TNS3: variants seen among roughly 807,000 people sequenced by gnomAD.
TNS3 encodes the protein tensin 3.
TNS3 carries 45 observed loss-of-function variants against 140.9 expected under a neutral mutation model. The observed-to-expected ratio is 0.32, with a 90% CI of 0.25 to 0.41. The LOEUF (loss-of-function observed/expected upper bound fraction) is 0.41, where lower values mean the gene tolerates loss of function less well. Ranked by LOEUF, TNS3 falls within the 10% of genes least tolerant of loss-of-function variation. The probability of loss-of-function intolerance (pLI) is 1.00; values close to 1 mark genes in which losing one functional copy is unlikely to be tolerated. For synonymous variants in TNS3, 815 were observed against 788.4 expected, an observed-to-expected ratio of 1.03 and a Z score of -0.56; for missense variants, 1,716 against 1,906.7, an observed-to-expected ratio of 0.90 and a Z score of 1.86.
rs1789336772 is a variant in TNS3 at position 47,346,281 on chromosome 7, C to T, written c.2357G>A (p.Gly786Glu). The change falls in exon 18 of 31, where the codon GGG becomes GAG. Residue 786 changes from glycine to glutamate, a missense_variant. Coordinates refer to ENST00000311160, the MANE Select transcript of TNS3 (RefSeq NM_022748.12). ...SLGQYDNDAGGQLPFSKCAWG... is the reference protein window; with the variant it reads ...SLGQYDNDAGEQLPFSKCAWG... ...TGCACATTTGGAGAAGGGCAGCTGC[C>T]CCCCAGCATCGTTGTCGTACTGCCC... 1.2e-6 allele frequency: 2 copies of T among 1,614,082 alleles called. No individual in the cohort carries two copies. The highest frequency in any genetic ancestry group is 1.7e-6 in the Non-Finnish European group (2 of 1,180,040).
Position 47,436,082 on chromosome 7 carries a change from G to A in TNS3, c.202-678C>T, listed in dbSNP as rs1795167057. ...AGGACAAGGAGCTCTATCTTATGAT[G>A]AAAGTCGTAGAAATAGTGTAAGACT... On this transcript the variant is annotated intron_variant, in intron 7 of 30. Transcript: ENST00000311160. 2.0e-5 allele frequency among the ~76,000 whole-genome samples: 3 copies of A among 152,174 alleles called. No homozygotes were observed. In the South Asian group the frequency reaches 6.2e-4, roughly 32 times the overall value.
At chr7:47,359,444 C>T (rs145717524) in intron 17 of TNS3, among the ~76,000 whole-genome samples, 3 of 152,086 alleles carry the variant, frequency 2.0e-5, no homozygotes, top group South Asian at 2.1e-4. Flanking sequence ...TTTGGGATGA[C>T]GACAAATTTC....
chr7:47,418,564 T>C (rs930574333), intron 10 of TNS3, among the ~76,000 whole-genome samples: 9 of 152,248 alleles, frequency 5.9e-5, no homozygotes, highest in Admixed American at 5.9e-4. Flanking sequence ...AGATACTTTA[T>C]AAAAACAGCT....
intron 4 of TNS3, among the ~76,000 whole-genome samples, chr7:47,457,136 GA>G (rs1288973531): frequency 9.6e-5 from 4 of 41,848 alleles, no homozygotes; most frequent in African/African-American, 1.7e-4. Context: ...GGGAGGGGAG[GA>G]GGGGAGGGGA....
chr7:47,352,755 A>C (rs1789763272), intron 17 of TNS3, among the ~76,000 whole-genome samples: 1 of 152,006 alleles, frequency 6.6e-6, no homozygotes, highest in Non-Finnish European at 1.5e-5. Flanking sequence ...CCCTCCACTC[A>C]AGGCCCCCAG....
rs144954870 is a variant in TNS3 at position 47,492,712 on chromosome 7, A to G, written c.-114-11571T>C. Among the ~76,000 whole-genome samples the G allele has an allele frequency of 2.4e-3, 364 of 152,364 alleles. 6 individuals are homozygous for G. The highest frequency in any genetic ancestry group is 8.2e-3 in the African/African-American group (343 of 41,588). ...TTATTTTAAAGGAAAAGGTCCAAGG[A>G]GGCAGTAACACTAAAACAAAGCACA... On this transcript the variant is annotated intron_variant, in intron 3 of 30. Transcript: ENST00000311160.
At chr7:47,281,663 A>G (rs1261202621) in intron 28 of TNS3, among the ~76,000 whole-genome samples, 1 of 152,230 alleles carries the variant, frequency 6.6e-6, no homozygotes, top group Admixed American at 6.5e-5. Context: ...AGTATGAAAG[A>G]TCTGAACTGA....
intron 4 of TNS3, among the ~76,000 whole-genome samples, chr7:47,465,445 T>C (rs929808619): frequency 6.6e-6 from 1 of 152,178 alleles, no homozygotes; most frequent in Admixed American, 6.5e-5. Flanking sequence ...ATCTGCGCCC[T>C]GCACAATGCC....
intron 13 of TNS3, among the ~76,000 whole-genome samples, chr7:47,403,094 C>T (rs746280921): frequency 3.3e-5 from 5 of 152,124 alleles, no homozygotes; most frequent in African/African-American, 4.8e-5. Context: ...CGCAGCTCAC[C>T]GTGCCCCTCC....
intron 2 of TNS3, among the ~76,000 whole-genome samples, chr7:47,526,545 C>T (rs75739904): frequency 0.025 from 3,767 of 152,320 alleles, 80 homozygotes; most frequent in African/African-American, 0.056. Flanking sequence ...GGAGACTTTG[C>T]CCCTGTCAGG....
At chr7:47,352,222 A>G (rs1789721308) in intron 17 of TNS3, among the ~76,000 whole-genome samples, 2 of 152,014 alleles carry the variant, frequency 1.3e-5, no homozygotes, top group African/African-American at 2.4e-5. Context: ...ACACTTTCTC[A>G]TATACTTACA....
intron 25 of TNS3, among the ~76,000 whole-genome samples, chr7:47,293,397 G>A (rs752868155): frequency 3.9e-5 from 6 of 152,218 alleles, no homozygotes; most frequent in Non-Finnish European, 7.3e-5. Context: ...GGAGCTCTAT[G>A]TTGTTCCTTG....
intron 16 of TNS3, among the ~76,000 whole-genome samples, chr7:47,391,118 TA>T (rs1792489819): frequency 6.6e-6 from 1 of 152,166 alleles, no homozygotes; most frequent in Non-Finnish European, 1.5e-5. Flanking sequence ...ACCCCGTGAA[TA>T]TGTGCTGCTC....
intron 1 of TNS3, among the ~76,000 whole-genome samples, chr7:47,553,793 CTTT>C (rs1001094159): frequency 7.3e-4 from 108 of 147,060 alleles, no homozygotes; most frequent in African/African-American, 2.3e-3. Flanking sequence ...TCAACTCTTA[CTTT>C]TTTTTTTTTG....
chr7:47,551,992 T>C (rs535649030), intron 1 of TNS3, among the ~76,000 whole-genome samples: 3 of 147,014 alleles, frequency 2.0e-5, no homozygotes, highest in South Asian at 2.1e-4. Flanking sequence ...GGAGTGCTTT[T>C]ACAAGGAAAA....
chr7:47,540,560 G>A (rs559489743), intron 1 of TNS3, among the ~76,000 whole-genome samples: 29 of 152,266 alleles, frequency 1.9e-4, no homozygotes, highest in South Asian at 2.1e-4. Context: ...CGTGAGCAAC[G>A]TGTGTGCTCG....
rs984871098 is a variant in TNS3 at position 47,349,766 on chromosome 7, C to T, written c.2282-3410G>A. Among the ~76,000 whole-genome samples, 6 of 152,204 alleles carry T rather than the reference C, an allele frequency of 3.9e-5. 1 individual carries two copies. Among genetic ancestry groups the T allele is most frequent in the Non-Finnish European group, 7.3e-5 (5 of 68,036 alleles). ...ACAAAATGAGACAGGGTTTAAGATA[C>T]TGCAAAACCACTACGTGCTAGGATG... On this transcript the variant is annotated intron_variant, in intron 17 of 30. Transcript: ENST00000311160.
intron 17 of TNS3, among the ~76,000 whole-genome samples, chr7:47,351,058 C>T (rs1223871798): frequency 6.6e-6 from 1 of 152,156 alleles, no homozygotes; most frequent in Non-Finnish European, 1.5e-5. Context: ...TCAGGGTTTT[C>T]GCCAGTAATA....
At chr7:47,539,242 AGTGGAAGGCAAATG>A (rs1470421248) in intron 1 of TNS3, 5 of 412,376 alleles carry the variant, frequency 1.2e-5, no homozygotes, top group Non-Finnish European at 2.0e-5. Context: ...TGCAAGCCAG[AGTGGAAGGCAAATG>A]GTTGAAGGTG....
Sources: gnomAD v4.1 joint callset for allele counts (sites outside exome capture counted in the v4.1 genomes callset) on GRCh38, gnomAD v4.1.1 for gene constraint, MANE v1.5 for transcripts, NCBI Gene and HGNC (gene_info 2026-07-23, HGNC 2026-07-21) for gene names.